AMZ1: variants seen among roughly 807,000 people sequenced by gnomAD.
AMZ1 encodes the protein archaemetzincin-1.
In AMZ1, 39 loss-of-function variants were observed where a neutral mutation model predicts 29.9. That is an observed-to-expected ratio of 1.30 (90% CI 1.01 to 1.70). AMZ1 has a LOEUF of 1.70. AMZ1 is among the 40% of genes most tolerant of loss of function. The probability of loss-of-function intolerance (pLI) is 0.00; values close to 1 mark genes in which losing one functional copy is unlikely to be tolerated. For missense variants in AMZ1, 1,041 were observed against 680.6 expected, an observed-to-expected ratio of 1.53 and a Z score of -5.89; for synonymous variants, 458 against 304.0, an observed-to-expected ratio of 1.51 and a Z score of -5.27.
At chr7:2,723,503 G>A (rs79615056), downstream of AMZ1, among the ~76,000 whole-genome samples, 3,236 of 152,328 alleles carry the variant, frequency 0.021, 57 homozygotes, top group Middle Eastern at 0.034. Flanking sequence ...CATTGGTGGC[G>A]AAGATCTCCT....
intron 2 of AMZ1, chr7:2,702,449 G>A: frequency 2.1e-6 from 1 of 475,410 alleles, no homozygotes; most frequent in Non-Finnish European, 3.7e-6. Context: ...TCCCTGGTGA[G>A]TCCCTGCCTG....
intron 4 of AMZ1, among the ~76,000 whole-genome samples, chr7:2,741,485 C>CTGTT (rs1243874069): frequency 1.3e-5 from 2 of 152,206 alleles, no homozygotes; most frequent in Non-Finnish European, 2.9e-5. Flanking sequence ...GTTGGACTGC[C>CTGTT]TGTTAGCTTT....
chr7:2,752,118 C>T (rs1791069758), intron 4 of AMZ1, among the ~76,000 whole-genome samples: 1 of 151,980 alleles, frequency 6.6e-6, no homozygotes, highest in Non-Finnish European at 1.5e-5. Context: ...CAATTTAAAC[C>T]TAACTACATA....
chr7:2,708,556 C>G lies in AMZ1; in HGVS notation c.473-32C>G, dbSNP rs771782991. On this transcript the variant is annotated intron_variant, in intron 3 of 6. Coordinates refer to ENST00000683327, the MANE Select transcript of AMZ1 (RefSeq NM_001384743.1). ...GGAAGATGGGGGTCCCCGGCTGCCT[C>G]CTGACCCCATCCTCTGGCCCTCTCC... The G allele has an allele frequency of 3.7e-6, 6 of 1,610,034 alleles. No homozygotes were observed. In the Admixed American group the frequency reaches 6.7e-5, roughly 18 times the overall value.
At chr7:2,689,507 C>T (rs1283855709) in intron 1 of AMZ1, among the ~76,000 whole-genome samples, 1 of 152,192 alleles carries the variant, frequency 6.6e-6, no homozygotes, top group African/African-American at 2.4e-5. Flanking sequence ...GGAGAGGAGA[C>T]GTCCTACCCC....
chr7:2,703,740 C>A (rs1053063789), intron 3 of AMZ1, among the ~76,000 whole-genome samples: 1 of 152,204 alleles, frequency 6.6e-6, no homozygotes, highest in Non-Finnish European at 1.5e-5. Flanking sequence ...ATCACCTCTG[C>A]CCCATTCTCT....
rs144953774 is a variant in AMZ1 at position 2,752,446 on chromosome 7, G to A, written n.551-12266G>A. On this transcript the variant is annotated intron_variant and non_coding_transcript_variant, in intron 4 of 4. Coordinates refer to the AMZ1 transcript ENST00000489665. Reference sequence around the variant, plus strand: ...AAGTTAGAAAGACTAACAGCAAAAAGCAAGACAGCAAGCAAGCGAACAAAT... The same window carrying A: ...AAGTTAGAAAGACTAACAGCAAAAAACAAGACAGCAAGCAAGCGAACAAAT... Among the ~76,000 whole-genome samples, 488 of 152,256 alleles carry A rather than the reference G, an allele frequency of 3.2e-3. 2 individuals are homozygous for A. Among genetic ancestry groups the A allele is most frequent in the Middle Eastern group, 0.01 (3 of 294 alleles).
intron 4 of AMZ1, among the ~76,000 whole-genome samples, chr7:2,742,146 C>A (rs192400232): frequency 5.3e-5 from 8 of 151,952 alleles, no homozygotes; most frequent in African/African-American, 1.7e-4. Flanking sequence ...CTCAGCCACC[C>A]GAGTAGCTGG....
In AMZ1 at chr7:2,731,117, C is replaced by T. The variant is rs573112084; in HGVS notation, n.550+21301C>T. On this transcript the variant is annotated intron_variant and non_coding_transcript_variant, in intron 4 of 4. Coordinates refer to the AMZ1 transcript ENST00000489665. This position sits in a 1 kb window ranked among gnomAD's most constrained non-coding sequence, Gnocchi z 6.0. ...TCAAGGACCACACAGACAACACACA[C>T]CCAAGAGTCTGACCGACAGCCGTGG... 7.2e-5 allele frequency: 80 copies of T among 1,116,396 alleles called. No individual in the cohort carries two copies. The African/African-American group carries it at 1.1e-3, about 16-fold the overall frequency. 69.2% of individuals were successfully genotyped at this position (1,116,396 alleles called of 1,614,324 possible). A position where few individuals can be genotyped will look rare whatever the true frequency, so the allele number is the denominator to read the frequency against.
intron 4 of AMZ1, among the ~76,000 whole-genome samples, chr7:2,745,667 C>T (rs975739488): frequency 6.6e-6 from 1 of 152,182 alleles, no homozygotes; most frequent in Non-Finnish European, 1.5e-5. Context: ...TCACACATAA[C>T]AATATTAACT....
intron 3 of AMZ1, 82 bp from the exon 4 acceptor site, chr7:2,708,506 G>A: frequency 1.9e-6 from 3 of 1,582,176 alleles, no homozygotes. Context: ...AGAGGAAGAG[G>A]ATGACGGGGT....
At chr7:2,734,941 C>T (rs1261805028) in intron 4 of AMZ1, among the ~76,000 whole-genome samples, 1 of 152,162 alleles carries the variant, frequency 6.6e-6, no homozygotes, top group African/African-American at 2.4e-5. Context: ...ACTGACCTCT[C>T]GTGCCTGCTC....
At chr7:2,757,383 GA>G (rs904398418) in intron 4 of AMZ1, among the ~76,000 whole-genome samples, 7 of 152,110 alleles carry the variant, frequency 4.6e-5, no homozygotes, top group Non-Finnish European at 7.3e-5. Flanking sequence ...TGACCTAGAA[GA>G]AAGCACACAG....
rs369520113 is a variant in AMZ1, at chr7:2,696,447, C to T, written c.-218-3787C>T. 5.4e-3 allele frequency among the ~76,000 whole-genome samples: 817 copies of T among 150,774 alleles called. 6 individuals carry two copies. Among genetic ancestry groups the T allele is most frequent in the African/African-American group, 0.014 (560 of 41,156 alleles). On this transcript the variant is annotated intron_variant, in intron 1 of 6. Coordinates refer to ENST00000683327, the MANE Select transcript of AMZ1 (RefSeq NM_001384743.1). ...AATTTTTTTGTATTTTTAGTAGAGA[C>T]GGGGTTTCACCATGTTAGCCAGGAT...
At position 2,738,479 on chromosome 7, in the gene AMZ1, A is replaced by G. The variant is rs4722025; in HGVS notation, n.551-26233A>G. Among the ~76,000 whole-genome samples, 197 of 152,298 alleles carry G rather than the reference A, an allele frequency of 1.3e-3. 3 individuals are homozygous for G. The highest frequency in any genetic ancestry group is 8.4e-3 in the Admixed American group (129 of 15,304). ...GGAGGTTTCCGATACCCACTGCCAA[A>G]GGAAAAGCACAAGGCACGAAACAAC... On this transcript the variant is annotated intron_variant and non_coding_transcript_variant, in intron 4 of 4. Coordinates refer to the AMZ1 transcript ENST00000489665.
At chr7:2,700,785 T>C in intron 2 of AMZ1, 30 bp downstream of exon 2, 1 of 1,603,562 alleles carries the variant, frequency 6.2e-7, no homozygotes, top group Non-Finnish European at 8.5e-7. Flanking sequence ...ATCGGCACGC[T>C]CCTGGGGGAC....
rs1789269636 is a variant in AMZ1 at position 2,718,633 on chromosome 7, T to C, written c.*5755T>C. Among the ~76,000 whole-genome samples, 1 of 152,250 alleles carries C rather than the reference T, an allele frequency of 6.6e-6. No homozygotes were observed. Among genetic ancestry groups the C allele is most frequent in the African/African-American group, 2.4e-5 (1 of 41,472 alleles). ...GCCGACGCCCCTCTCGGTCAGGCTT[T>C]CAGCAGCAGAAGGCAGTGGACTCTT... On this transcript the variant is annotated 3_prime_UTR_variant, in exon 7 of 7. Coordinates refer to ENST00000683327, the MANE Select transcript of AMZ1 (RefSeq NM_001384743.1).
upstream of AMZ1, among the ~76,000 whole-genome samples, chr7:2,685,328 C>A (rs974563507): frequency 6.6e-6 from 1 of 151,506 alleles, no homozygotes; most frequent in Non-Finnish European, 1.5e-5. Context: ...GAGGCCAAGG[C>A]GGGTGGATCA....
intron 3 of AMZ1, 65 bp from the exon 4 acceptor site, chr7:2,708,523 C>T (rs949333812): frequency 1.3e-6 from 2 of 1,599,742 alleles, no homozygotes; most frequent in African/African-American, 2.7e-5. Flanking sequence ...GGGTGCCAGC[C>T]TGAGCCTGGA....
Sources: allele counts gnomAD v4.1 joint callset (sites outside exome capture counted in the v4.1 genomes callset), GRCh38; gene constraint gnomAD v4.1.1; non-coding constraint Gnocchi (gnomAD v3.1); transcripts MANE v1.5; gene names NCBI Gene and HGNC (gene_info 2026-07-23, HGNC 2026-07-21).